DAB1: variants seen among roughly 807,000 people sequenced by gnomAD.
DAB1 encodes the protein disabled homolog 1.
DAB1 carries 15 observed loss-of-function variants against 64.6 expected under a neutral mutation model. The ratio of observed to expected loss-of-function variants is 0.23; its 90% CI spans 0.16 to 0.36. The LOEUF is 0.36. DAB1 is among the 10% of genes least tolerant of loss of function. The pLI is 1.00. For synonymous variants in DAB1, 235 were observed against 251.9 expected (o/e 0.93, Z 0.64); for missense variants, 596 against 706.7 (o/e 0.84, Z 1.78).
intron 3 of DAB1, among the ~76,000 whole-genome samples, chr1:58,486,064 T>G (rs1411948050): frequency 1.3e-5 from 2 of 152,236 alleles, no homozygotes; most frequent in Non-Finnish European, 2.9e-5. Flanking sequence ...ACTTTCTATG[T>G]GCCTTTCACT....
At chr1:57,361,742 C>T (rs1455710215) in intron 1 of DAB1, among the ~76,000 whole-genome samples, 4 of 152,140 alleles carry the variant, frequency 2.6e-5, no homozygotes. Context: ...GCCTGGATTT[C>T]TGGCATGAGC....
intron 5 of DAB1, among the ~76,000 whole-genome samples, chr1:57,897,580 G>C (rs1410126615): frequency 6.6e-6 from 1 of 152,084 alleles, no homozygotes; most frequent in South Asian, 2.1e-4. Flanking sequence ...TGGCCAGCTC[G>C]TGCCTTTTCC....
chr1:58,532,621 AG>A (rs1646451869), intron 1 of DAB1, among the ~76,000 whole-genome samples: 1 of 152,104 alleles, frequency 6.6e-6, no homozygotes, highest in Non-Finnish European at 1.5e-5. Flanking sequence ...TTGATCTCCC[AG>A]GCTCAAGCAA....
rs967893113 is a variant in DAB1, at chr1:57,267,387, G to A, written c.67+23577C>T. On this transcript the variant is annotated intron_variant, in intron 2 of 14. Transcript: ENST00000371236. ...GTGATAATGTGTTACAACAGCCTCA[G>A]GAAATGAACACGGAGAGATATTTCA... Among the ~76,000 whole-genome samples the A allele has an allele frequency of 6.6e-5, 10 of 152,306 alleles. No individual in the cohort carries two copies. In the South Asian group the frequency reaches 2.1e-3, roughly 32 times the overall value.
chr1:58,508,140 T>C (rs1298243296), intron 2 of DAB1, among the ~76,000 whole-genome samples: 2 of 152,164 alleles, frequency 1.3e-5, no homozygotes, highest in Non-Finnish European at 2.9e-5. Context: ...CCCTACAGAC[T>C]AGAAAGTATT....
chr1:58,488,487 T>C (rs1374562622), intron 3 of DAB1, among the ~76,000 whole-genome samples: 2 of 152,178 alleles, frequency 1.3e-5, no homozygotes, highest in Non-Finnish European at 2.9e-5. Context: ...GTTTCACTCT[T>C]GTAGCTCACA....
intron 2 of DAB1, among the ~76,000 whole-genome samples, chr1:57,206,290 T>C (rs1665530795): frequency 6.6e-6 from 1 of 152,150 alleles, no homozygotes; most frequent in Non-Finnish European, 1.5e-5. Flanking sequence ...CTCCACAGCC[T>C]GTGGCATGAA....
rs561171891 is a variant in DAB1 at position 58,134,648 on chromosome 1, GGA to G, written n.387+15861_387+15862del. Among the ~76,000 whole-genome samples the G allele has an allele frequency of 2.2e-3, 330 of 152,330 alleles. 2 individuals are homozygous for G. Among genetic ancestry groups the G allele is most frequent in the African/African-American group, 7.6e-3 (316 of 41,582 alleles). Reference sequence around the variant, plus strand: ...GCAGGCACATTTCACATGGCCAGCAGGAGAGAGACAGTGAAGGGGACGGTGAT... The same window carrying G: ...GCAGGCACATTTCACATGGCCAGCAGGAGAGACAGTGAAGGGGACGGTGAT... On this transcript the variant is annotated intron_variant and non_coding_transcript_variant, in intron 5 of 20. Transcript: ENST00000485760.
At chr1:58,317,608 C>G (rs1420199842) in intron 4 of DAB1, among the ~76,000 whole-genome samples, 1 of 152,238 alleles carries the variant, frequency 6.6e-6, no homozygotes, top group Admixed American at 6.5e-5. Flanking sequence ...ACCACAGATG[C>G]AACCCGAAGG....
At chr1:58,447,172 T>C (rs867070246) in intron 3 of DAB1, among the ~76,000 whole-genome samples, 46 of 152,192 alleles carry the variant, frequency 3.0e-4, no homozygotes, top group African/African-American at 1.0e-3. Context: ...CTAGAGCCTG[T>C]AGAGGAAGAA....
At chr1:57,446,171 T>G (rs1435787899) in intron 7 of DAB1, among the ~76,000 whole-genome samples, 1 of 152,240 alleles carries the variant, frequency 6.6e-6, no homozygotes. Context: ...ACTCAGGTTC[T>G]TTTTTGTCAT....
chr1:57,144,301 T>G (rs1287725098), intron 3 of DAB1, among the ~76,000 whole-genome samples: 1 of 152,162 alleles, frequency 6.6e-6, no homozygotes, highest in Non-Finnish European at 1.5e-5. Flanking sequence ...TATAACTTTT[T>G]AAAAGAAACA....
chr1:58,499,112 T>C (rs1376402670), intron 3 of DAB1, among the ~76,000 whole-genome samples: 1 of 152,054 alleles, frequency 6.6e-6, no homozygotes, highest in Non-Finnish European at 1.5e-5. Context: ...GACATTATGC[T>C]AAGTGAAATA....
chr1:57,973,988 C>A (rs1261471018), intron 5 of DAB1, among the ~76,000 whole-genome samples: 1 of 152,134 alleles, frequency 6.6e-6, no homozygotes, highest in Non-Finnish European at 1.5e-5. Flanking sequence ...TCATAAAACA[C>A]CCAGTATGAC....
intron 1 of DAB1, among the ~76,000 whole-genome samples, chr1:57,869,820 T>G (rs2101954823): frequency 6.6e-6 from 1 of 152,298 alleles, no homozygotes; most frequent in East Asian, 1.9e-4. Context: ...GAAATGCTCT[T>G]GATTATATTT....
chr1:57,274,179 T>A (rs1470319595), intron 2 of DAB1, among the ~76,000 whole-genome samples: 1 of 152,220 alleles, frequency 6.6e-6, no homozygotes, highest in Admixed American at 6.5e-5. Flanking sequence ...ACCCTCTTCT[T>A]CTAACCCAAT....
chr1:57,008,102 T>G (rs955685104), intron 14 of DAB1, among the ~76,000 whole-genome samples: 2 of 152,182 alleles, frequency 1.3e-5, no homozygotes, highest in African/African-American at 2.4e-5. Flanking sequence ...AAGATTACAG[T>G]CCAGCCCTCC....
At chr1:58,262,269 G>T (rs1261096671) in intron 4 of DAB1, among the ~76,000 whole-genome samples, 2 of 152,174 alleles carry the variant, frequency 1.3e-5, no homozygotes, top group African/African-American at 4.8e-5. Flanking sequence ...GGCTGTGCAA[G>T]CCCAAGGAAA....
intron 3 of DAB1, among the ~76,000 whole-genome samples, chr1:58,350,579 T>G (rs11207202): frequency 0.5 from 76,630 of 152,072 alleles, 19,302 homozygotes; most frequent in East Asian, 0.59. Flanking sequence ...TTCTAGAGTT[T>G]TTATGGTTTT....
Sources: allele counts gnomAD v4.1 joint callset (sites outside exome capture counted in the v4.1 genomes callset), GRCh38; gene constraint gnomAD v4.1.1; transcripts MANE v1.5; gene names NCBI Gene and HGNC (gene_info 2026-07-23, HGNC 2026-07-21).